KALRN: variants seen among roughly 807,000 people sequenced by gnomAD.
The protein encoded by KALRN is kalirin.
A neutral mutation model predicts 353.7 loss-of-function variants in KALRN; 70 were observed. The ratio of observed to expected loss-of-function variants is 0.20; its 90% CI spans 0.16 to 0.24. The LOEUF is 0.24. KALRN is among the 10% of genes least tolerant of loss of function. KALRN has a pLI of 1.00. For synonymous variants in KALRN, 1,391 were observed against 1,434.8 expected (o/e 0.97, Z 0.69); for missense variants, 2,791 against 3,756.7 (o/e 0.74, Z 6.72).
intron 5 of KALRN, among the ~76,000 whole-genome samples, chr3:124,296,622 G>A (rs1184721099): frequency 6.6e-6 from 1 of 152,310 alleles, no homozygotes; most frequent in Middle Eastern, 3.4e-3. Context: ...ACCAGCACCT[G>A]GCAGCCGACA....
chr3:124,521,115 C>T (rs775809807), intron 33 of KALRN, among the ~76,000 whole-genome samples: 2 of 152,196 alleles, frequency 1.3e-5, no homozygotes, highest in East Asian at 1.9e-4. Flanking sequence ...AGATCCCTGA[C>T]GGCCAGGGTC....
intron 3 of KALRN, among the ~76,000 whole-genome samples, chr3:124,243,246 C>T (rs1030788298): frequency 6.6e-6 from 1 of 152,110 alleles, no homozygotes; most frequent in Non-Finnish European, 1.5e-5. Context: ...GTCTGTGGGG[C>T]CTGCACAGTC....
At chr3:124,588,882 C>T (rs1048367578) in intron 34 of KALRN, among the ~76,000 whole-genome samples, 4 of 152,340 alleles carry the variant, frequency 2.6e-5, no homozygotes, top group Non-Finnish European at 5.9e-5. Context: ...CCCAAGCCCA[C>T]GTGCCATTGT....
At chr3:124,170,483 C>A (rs1414797478) in intron 1 of KALRN, among the ~76,000 whole-genome samples, 1 of 152,146 alleles carries the variant, frequency 6.6e-6, no homozygotes, top group African/African-American at 2.4e-5. Context: ...ATTAGAACCC[C>A]AGACCTGAAT....
At chr3:124,663,588 A>G (rs1254462942) in intron 45 of KALRN, among the ~76,000 whole-genome samples, 3 of 152,220 alleles carry the variant, frequency 2.0e-5, no homozygotes, top group Non-Finnish European at 2.9e-5. Context: ...AACTGACACA[A>G]TTATTGATTG....
intron 1 of KALRN, among the ~76,000 whole-genome samples, chr3:124,168,257 T>C (rs771081028): frequency 9.2e-5 from 14 of 152,138 alleles, no homozygotes; most frequent in Non-Finnish European, 1.6e-4. Flanking sequence ...TAAAGCAAGA[T>C]GATTGTTAAG....
intron 1 of KALRN, among the ~76,000 whole-genome samples, chr3:124,127,297 T>A (rs963315368): frequency 6.6e-6 from 1 of 152,328 alleles, no homozygotes; most frequent in Non-Finnish European, 1.5e-5. Flanking sequence ...TCTAAATAGA[T>A]GTTTCTGAGA....
intron 1 of KALRN, among the ~76,000 whole-genome samples, chr3:124,198,546 G>A (rs1008088096): frequency 6.6e-6 from 1 of 152,178 alleles, no homozygotes; most frequent in African/African-American, 2.4e-5. Context: ...TAAGCTGGGA[G>A]CTGCCTGGCT....
At chr3:124,476,789 C>T (rs758864922) in intron 26 of KALRN, among the ~76,000 whole-genome samples, 2 of 152,134 alleles carry the variant, frequency 1.3e-5, no homozygotes, top group Non-Finnish European at 2.9e-5. Flanking sequence ...CAACCTTTCT[C>T]CAATGGAGAC....
At chr3:124,233,033 G>A (rs537633043) in intron 2 of KALRN, among the ~76,000 whole-genome samples, 33 of 152,150 alleles carry the variant, frequency 2.2e-4, no homozygotes, top group African/African-American at 6.7e-4. Flanking sequence ...AAAGCTCCCC[G>A]GCCGTGATCC....
intron 34 of KALRN, among the ~76,000 whole-genome samples, chr3:124,606,675 A>G (rs1288640667): frequency 6.6e-6 from 1 of 152,248 alleles, no homozygotes; most frequent in East Asian, 1.9e-4. Context: ...TAAAGACACT[A>G]TAAAGGAAGT....
At chr3:124,623,377 T>G (rs796403504) in intron 34 of KALRN, among the ~76,000 whole-genome samples, 41,943 of 141,902 alleles carry the variant, frequency 0.3, 7,303 homozygotes, top group East Asian at 0.59. Context: ...ATAGGAGATA[T>G]ATATATATAT....
chr3:124,088,376 G>A (rs1265226233), intron 1 of KALRN, among the ~76,000 whole-genome samples: 4 of 152,196 alleles, frequency 2.6e-5, no homozygotes, highest in Admixed American at 6.5e-5. Context: ...TTTCCCTAGT[G>A]AGGGAAGGAG....
intron 6 of KALRN, among the ~76,000 whole-genome samples, chr3:124,319,195 A>T (rs1580899242): frequency 6.6e-6 from 1 of 152,080 alleles, no homozygotes; most frequent in East Asian, 1.9e-4. Flanking sequence ...AAAATTAAAA[A>T]TACCAAATGC....
chr3:124,208,286 G>A (rs2076594869), intron 1 of KALRN, among the ~76,000 whole-genome samples: 1 of 152,190 alleles, frequency 6.6e-6, no homozygotes, highest in Non-Finnish European at 1.5e-5. Context: ...CTGGAAGGTT[G>A]AACATAAATT....
At chr3:124,257,993 A>G (rs559696220) in intron 3 of KALRN, among the ~76,000 whole-genome samples, 1 of 152,308 alleles carries the variant, frequency 6.6e-6, no homozygotes, top group South Asian at 2.1e-4. Context: ...AAAGGAAAAA[A>G]AGCAGGCTAC....
Position 124,395,137 on chromosome 3 carries a change from G to C in KALRN, c.1965G>C (p.Leu655Phe). The change falls in exon 12 of 60, where the codon TTG becomes TTC. Residue 655 changes from leucine to phenylalanine, a missense_variant and splice_region_variant. Physicochemically the swap from Leu to Phe is conservative, Grantham distance 22. Transcript: ENST00000682506. ...GAATCTCTGCTCTCTCTCTACAGTT[G>C]TGGACATGGATGGAAGACCTTCAGA... ...SVSFHTHTKE[L>F]WTWMEDLQKE... 1.1e-5 allele frequency: 18 copies of C among 1,612,298 alleles called. No individual in the cohort carries two copies. The highest frequency in any genetic ancestry group is 1.5e-5 in the Non-Finnish European group (18 of 1,178,670).
intron 34 of KALRN, among the ~76,000 whole-genome samples, chr3:124,592,416 C>T (rs576492661): frequency 2.6e-5 from 4 of 151,730 alleles, no homozygotes; most frequent in African/African-American, 9.7e-5. Flanking sequence ...AGAATAGCAA[C>T]CCGATTTTTG....
In KALRN at chr3:124,088,359, A is replaced by G. The variant is rs145069225; in HGVS notation, c.73+54546A>G. 1.0e-3 allele frequency among the ~76,000 whole-genome samples: 157 copies of G among 152,278 alleles called. 3 individuals carry two copies. The East Asian group carries it at 0.026, about 25-fold the overall frequency. On this transcript the variant is annotated intron_variant, in intron 1 of 59. Transcript: ENST00000682506. ...ATCAGATGAGTTGGGGCAGCTGGAC[A>G]TTTTCATTTCCCTAGTGAGGGAAGG...
Sources: gnomAD v4.1 joint callset for allele counts (sites outside exome capture counted in the v4.1 genomes callset) on GRCh38, gnomAD v4.1.1 for gene constraint, MANE v1.5 for transcripts, NCBI Gene and HGNC (gene_info 2026-07-23, HGNC 2026-07-21) for gene names.